EP400: variants seen among roughly 807,000 people sequenced by gnomAD.
The protein encoded by EP400 is E1A-binding protein p400.
EP400 carries 105 observed loss-of-function variants against 354.1 expected under a neutral mutation model. The ratio of observed to expected loss-of-function variants is 0.30; its 90% CI spans 0.25 to 0.35. The LOEUF is 0.35. Among genes scored for constraint, EP400 ranks in the 10% least tolerant of loss-of-function variants. The pLI, the probability that EP400 is intolerant of heterozygous loss-of-function variation, is 1.00. For synonymous variants in EP400, 1,646 were observed against 1,716.9 expected (o/e 0.96, Z 1.02); for missense variants, 3,280 against 4,121.0 (o/e 0.80, Z 5.59).
At chr12:132,034,862 G>A (rs1201551361) in intron 30 of EP400, among the ~76,000 whole-genome samples, 2 of 152,174 alleles carry the variant, frequency 1.3e-5, no homozygotes, top group Non-Finnish European at 2.9e-5. Context: ...CTGTGGCCGA[G>A]AGCTGGAAGG....
chr12:131,955,571 C>T (rs1356690768), intron 1 of EP400, among the ~76,000 whole-genome samples: 16 of 150,872 alleles, frequency 1.1e-4, no homozygotes, highest in African/African-American at 2.9e-4. Context: ...CGTGAGCCAG[C>T]GTGCTCATCC....
At chr12:131,978,466 A>G (rs946554125) in intron 2 of EP400, among the ~76,000 whole-genome samples, 3 of 152,110 alleles carry the variant, frequency 2.0e-5, no homozygotes, top group Non-Finnish European at 4.4e-5. Flanking sequence ...CCAAGACATC[A>G]CAGAGTTAGG....
rs190214432 is a variant in EP400, at chr12:131,979,551, G to T, written c.1336-143G>T. On this transcript the variant is annotated intron_variant, in intron 2 of 52. Coordinates refer to ENST00000389561, the MANE Select transcript of EP400 (RefSeq NM_015409.5). ...TTATACATAAATATACATTACACATGTATATTTAAAGACACGGGGTAGATA... is the reference window on the plus strand; with the variant it reads ...TTATACATAAATATACATTACACATTTATATTTAAAGACACGGGGTAGATA... The T allele has an allele frequency of 4.4e-4, 263 of 595,150 alleles. No homozygotes were observed. The East Asian group carries it at 8.0e-3, about 18-fold the overall frequency. 36.9% of individuals were successfully genotyped at this position (595,150 alleles called of 1,614,324 possible).
intron 51 of EP400, among the ~76,000 whole-genome samples, chr12:132,072,662 A>G (rs1896099643): frequency 6.6e-6 from 1 of 152,120 alleles, no homozygotes; most frequent in Non-Finnish European, 1.5e-5. Flanking sequence ...TTTTGTTGTA[A>G]CTGGGTCAAG....
intron 29 of EP400, chr12:132,031,113 A>G (rs902142711): frequency 1.4e-5 from 6 of 431,036 alleles, no homozygotes; most frequent in East Asian, 5.7e-5. Flanking sequence ...GTCAGTGATT[A>G]GGTTTCGTTT....
intron 2 of EP400, among the ~76,000 whole-genome samples, chr12:131,974,853 G>A (rs1340860407): frequency 6.6e-6 from 1 of 151,856 alleles, no homozygotes; most frequent in Non-Finnish European, 1.5e-5. Flanking sequence ...AGCCGGGCTT[G>A]GTGGCAGGCG....
At chr12:132,015,885 C>G (rs887434819) in intron 19 of EP400, among the ~76,000 whole-genome samples, 3 of 152,088 alleles carry the variant, frequency 2.0e-5, no homozygotes, top group African/African-American at 7.2e-5. Flanking sequence ...TCAGCTCCCC[C>G]CTCCTCTTGC....
intron 19 of EP400, among the ~76,000 whole-genome samples, chr12:132,014,445 C>G (rs1008301730): frequency 6.6e-6 from 1 of 152,186 alleles, no homozygotes; most frequent in East Asian, 1.9e-4. Flanking sequence ...AAGCTGTGCC[C>G]TTTGAGTTGA....
intron 51 of EP400, 118 bp downstream of exon 51, chr12:132,069,759 G>A (rs994284807): frequency 7.0e-7 from 1 of 1,438,380 alleles, no homozygotes; most frequent in Admixed American, 2.1e-5. Flanking sequence ...GTGGTGCACT[G>A]GAGGGAAGTG....
rs904869663 is a variant in EP400, at chr12:132,045,302, A to T, written c.6785-17A>T. ...CTCCTGGTTTACTCTCTTGCTGAAG[A>T]CTGCCTCTCTGTTCAGCTGCAGGCA... On this transcript the variant is annotated splice_polypyrimidine_tract_variant and intron_variant, in intron 37 of 52. Coordinates refer to ENST00000389561, the MANE Select transcript of EP400 (RefSeq NM_015409.5). The T allele has an allele frequency of 1.2e-6, 2 of 1,613,330 alleles. No homozygotes were observed. Among genetic ancestry groups the T allele is most frequent in the Non-Finnish European group, 1.7e-6 (2 of 1,179,596 alleles).
intron 41 of EP400, chr12:132,051,126 T>A (rs921468618): frequency 1.1e-5 from 2 of 185,922 alleles, no homozygotes; most frequent in African/African-American, 4.7e-5. Flanking sequence ...GGGTAATGGA[T>A]GGTGGAACCC....
At chr12:132,065,179 G>A in intron 48 of EP400, 2 of 528,376 alleles carry the variant, frequency 3.8e-6, no homozygotes, top group Non-Finnish European at 3.4e-6. Flanking sequence ...TCCCTGTGCT[G>A]CTGAGGGACC....
chr12:131,984,178 G>A (rs1380533421), intron 5 of EP400, among the ~76,000 whole-genome samples: 1 of 152,202 alleles, frequency 6.6e-6, no homozygotes, highest in Non-Finnish European at 1.5e-5. Context: ...GATTACAGGC[G>A]TGAGTCACCG....
chr12:132,044,383 G>T, intron 35 of EP400, 72 bp downstream of exon 35: 1 of 1,544,986 alleles, frequency 6.5e-7, no homozygotes, highest in East Asian at 2.3e-5. Context: ...TGTTTGGCTT[G>T]TTCAAAGTCT....
chr12:131,986,902 C>G, intron 6 of EP400, 95 bp downstream of exon 6: 1 of 1,397,350 alleles, frequency 7.2e-7, no homozygotes, highest in South Asian at 1.4e-5. Flanking sequence ...AACCGAATGC[C>G]TGGTCAATTC....
At chr12:132,057,171 C>G (rs1895541853) in intron 45 of EP400, among the ~76,000 whole-genome samples, 1 of 152,202 alleles carries the variant, frequency 6.6e-6, no homozygotes, top group African/African-American at 2.4e-5. Flanking sequence ...GGTACTTCCC[C>G]AAGAGAAGTG....
In EP400 at chr12:132,069,480, G is replaced by C; in HGVS notation, c.8875-15G>C. ...GCATGGTCTCTGCGGCCCTAATTTC[G>C]CAGTCTCTCCCCAGATCACCGCACA... On this transcript the variant is annotated splice_polypyrimidine_tract_variant and intron_variant, in intron 50 of 52. Coordinates refer to ENST00000389561, the MANE Select transcript of EP400 (RefSeq NM_015409.5). 6.2e-7 allele frequency: 1 copy of C among 1,611,826 alleles called. No homozygotes were observed. Among genetic ancestry groups the C allele is most frequent in the Non-Finnish European group, 8.5e-7 (1 of 1,178,236 alleles).
intron 2 of EP400, 80 bp downstream of exon 2, chr12:131,962,034 T>A: frequency 1.4e-6 from 2 of 1,457,796 alleles, no homozygotes; most frequent in Non-Finnish European, 1.8e-6. Flanking sequence ...AAGTAATAAT[T>A]TATTGAGCCT....
intron 15 of EP400, 126 bp from the exon 16 acceptor site, chr12:132,011,372 C>G: frequency 1.7e-6 from 2 of 1,198,140 alleles, no homozygotes; most frequent in East Asian, 2.4e-5. Flanking sequence ...CCAAGTCTGC[C>G]TCAGTCGTGC....
Sources: allele counts gnomAD v4.1 joint callset (sites outside exome capture counted in the v4.1 genomes callset), GRCh38; gene constraint gnomAD v4.1.1; transcripts MANE v1.5; gene names NCBI Gene and HGNC (gene_info 2026-07-23, HGNC 2026-07-21).